The following HDGFL3 variants were observed in gnomAD, a reference collection of about 807,000 sequenced individuals.
HDGFL3 encodes hepatoma-derived growth factor-related protein 3.
Under a neutral mutation model 27.6 loss-of-function variants are expected in HDGFL3, and 6 were observed. The observed-to-expected ratio is 0.22, with a 90% CI of 0.12 to 0.43. The LOEUF is 0.43. Ranked by LOEUF, HDGFL3 falls within the 20% of genes least tolerant of loss-of-function variation. The pLI is 1.00. For missense variants in HDGFL3, 207 were observed against 250.1 expected (o/e 0.83, Z 1.16); for synonymous variants, 88 against 88.9 (o/e 0.99, Z 0.05).
At position 83,116,081 on chromosome 15, in the gene HDGFL3, C is replaced by T. The variant is rs905789688; in HGVS notation, c.394-340G>A. 51 of 661,244 alleles carry T rather than the reference C, an allele frequency of 7.7e-5. No homozygotes were observed. The Admixed American group carries it at 8.9e-4, about 12-fold the overall frequency. The allele number at this position is 661,244 out of a possible 1,614,324, so 41.0% of individuals were successfully genotyped here. A position where few individuals can be genotyped will look rare whatever the true frequency, so the allele number is the denominator to read the frequency against. On this transcript the variant is annotated intron_variant, in intron 3 of 3. Transcript: ENST00000568294. ...TTCATTTCCTATAATAGCCTTAGGT[C>T]GCTTAGTCACATGGAAAGTGGAGCA...
At chr15:83,118,747 G>T (rs1450976548) in intron 3 of HDGFL3, among the ~76,000 whole-genome samples, 1 of 152,068 alleles carries the variant, frequency 6.6e-6, no homozygotes, top group African/African-American at 2.4e-5. Context: ...CATGAACGTG[G>T]GAGAAAGAGG....
chr15:83,203,517 A>T (rs1040081800), intron 1 of HDGFL3, among the ~76,000 whole-genome samples: 21 of 152,086 alleles, frequency 1.4e-4, no homozygotes, highest in African/African-American at 4.6e-4. Context: ...AAAGATTCCT[A>T]CACAAAAATA....
At chr15:83,144,640 T>G (rs1427192533) in intron 5 of HDGFL3, 4 of 410,612 alleles carry the variant, frequency 9.7e-6, no homozygotes, top group African/African-American at 8.3e-5. Flanking sequence ...CGTGAGGAGC[T>G]GAATCCTGCC....
intron 5 of HDGFL3, among the ~76,000 whole-genome samples, chr15:83,148,276 G>A (rs981610330): frequency 4.6e-5 from 7 of 152,048 alleles, no homozygotes; most frequent in African/African-American, 1.7e-4. Flanking sequence ...TCTTGTACAC[G>A]TATACTAGGA....
At chr15:83,169,778 T>C (rs12593532) in intron 1 of HDGFL3, among the ~76,000 whole-genome samples, 41,791 of 152,006 alleles carry the variant, frequency 0.27, 6,494 homozygotes, top group African/African-American at 0.43. Context: ...CCAGCCTGGG[T>C]GACAGAGCAA....
downstream of HDGFL3, chr15:83,126,735 G>T: frequency 5.7e-6 from 9 of 1,587,080 alleles, no homozygotes; most frequent in Non-Finnish European, 7.8e-6. Flanking sequence ...TTTTTATAAT[G>T]AGTTTATTTT....
chr15:83,164,100 G>C (rs2037133822), intron 1 of HDGFL3, 25 bp from the exon 2 acceptor site: 1 of 1,418,714 alleles, frequency 7.0e-7, no homozygotes, highest in South Asian at 1.2e-5. Flanking sequence ...TTTAGTTACT[G>C]AGTGAGTGGT....
At chr15:83,139,343 T>G (rs937881042) in intron 5 of HDGFL3, 68 bp from the exon 6 acceptor site, 4 of 994,580 alleles carry the variant, frequency 4.0e-6, no homozygotes, top group Non-Finnish European at 5.7e-6. Context: ...ATGAGAGCTA[T>G]CCACACCTAG....
rs1456441577 is a variant in HDGFL3 at position 83,134,051 on chromosome 15, T to A, written c.*5219A>T. ...AATAATTCTGAATAAAGAGGCCTAC[T>A]AAAATACATACAAAACTAGAGAAAT... On this transcript the variant is annotated 3_prime_UTR_variant, in exon 6 of 6. Coordinates refer to ENST00000299633, the MANE Select transcript of HDGFL3 (RefSeq NM_016073.4). 6.6e-6 allele frequency: 1 copy of A among 152,202 alleles called. No individual in the cohort carries two copies. Among genetic ancestry groups the A allele is most frequent in the African/African-American group, 2.4e-5 (1 of 41,452 alleles). The allele number at this position is 152,202 out of a possible 1,614,324, so 9.4% of individuals were successfully genotyped here.
At chr15:83,172,575 C>T (rs1596557887) in intron 1 of HDGFL3, among the ~76,000 whole-genome samples, 1 of 152,146 alleles carries the variant, frequency 6.6e-6, no homozygotes, top group Middle Eastern at 3.4e-3. Context: ...TGGTGGCTCA[C>T]GCCTGTAATC....
chr15:83,163,944 A>C (rs567546125), intron 2 of HDGFL3, 55 bp downstream of exon 2: 2 of 1,100,012 alleles, frequency 1.8e-6, no homozygotes, highest in East Asian at 2.4e-5. Context: ...CATCCATAAC[A>C]ATGTAGCATA....
chr15:83,112,923 CT>C, exon 4 of HDGFL3: 1 of 1,536,352 alleles, frequency 6.5e-7, no homozygotes, highest in Non-Finnish European at 9.0e-7. Context: ...AAAGGGAAAT[CT>C]TTTGTATCTG....
intron 1 of HDGFL3, among the ~76,000 whole-genome samples, chr15:83,199,153 T>G (rs2037607096): frequency 1.3e-5 from 2 of 152,194 alleles, no homozygotes; most frequent in African/African-American, 4.8e-5. Flanking sequence ...ATAACTTGTT[T>G]TAAATTAGTT....
intron 3 of HDGFL3, among the ~76,000 whole-genome samples, chr15:83,118,835 T>C (rs1039953586): frequency 6.6e-6 from 1 of 152,214 alleles, no homozygotes; most frequent in Admixed American, 6.5e-5. Flanking sequence ...AGAAGCCACC[T>C]GGAAATGTAA....
chr15:83,207,778 G>A lies in HDGFL3; in HGVS notation c.-364C>T, dbSNP rs2037744199. 6.7e-6 allele frequency: 1 copy of A among 150,330 alleles called. No homozygotes were observed. Among genetic ancestry groups the A allele is most frequent in the Non-Finnish European group, 1.5e-5 (1 of 67,280 alleles). 9.3% of individuals were successfully genotyped at this position (150,330 alleles called of 1,614,324 possible). On this transcript the variant is annotated 5_prime_UTR_variant, in exon 1 of 6. Transcript: ENST00000299633. The surrounding 1 kb of genome is among the most constrained non-coding windows in gnomAD (Gnocchi z 4.8). ...GCCGGTCTCCCTCCCGGGCTCCCGG[G>A]CGCGGCGCGAGCGCCGGGCCTCGCG...
chr15:83,149,419 A>G (rs2036937045), intron 5 of HDGFL3, among the ~76,000 whole-genome samples: 1 of 152,222 alleles, frequency 6.6e-6, no homozygotes, highest in African/African-American at 2.4e-5. Context: ...TGAACACAAG[A>G]TGTTTTCAGA....
At chr15:83,139,481 G>A (rs1247666115) in intron 5 of HDGFL3, among the ~76,000 whole-genome samples, 1 of 152,094 alleles carries the variant, frequency 6.6e-6, no homozygotes, top group Non-Finnish European at 1.5e-5. Context: ...GAAATCCTAG[G>A]GTATTTTTAG....
intron 5 of HDGFL3, among the ~76,000 whole-genome samples, chr15:83,145,897 CTTTTTTTTTTTTTT>C (rs3082058): frequency 4.2e-4 from 21 of 49,472 alleles, no homozygotes; most frequent in South Asian, 1.4e-3. Context: ...TTTCTTCTTC[CTTTTTTTTTTTTTT>C]TTTTTTTTTT....
At chr15:83,200,110 G>A (rs1386517677) in intron 1 of HDGFL3, among the ~76,000 whole-genome samples, 1 of 149,484 alleles carries the variant, frequency 6.7e-6, no homozygotes, top group Non-Finnish European at 1.5e-5. Flanking sequence ...TTGAGAGGCC[G>A]AGGCAGGCAG....
Sources: allele counts gnomAD v4.1 joint callset (sites outside exome capture counted in the v4.1 genomes callset), GRCh38; gene constraint gnomAD v4.1.1; non-coding constraint Gnocchi (gnomAD v3.1); transcripts MANE v1.5; gene names NCBI Gene and HGNC (gene_info 2026-07-23, HGNC 2026-07-21).